WWP1: variants seen among roughly 807,000 people sequenced by gnomAD.
The protein encoded by WWP1 is NEDD4-like E3 ubiquitin-protein ligase WWP1.
In WWP1, 49 loss-of-function variants were observed where a neutral mutation model predicts 130.6. The ratio of observed to expected loss-of-function variants is 0.38; its 90% CI spans 0.30 to 0.48. The LOEUF (loss-of-function observed/expected upper bound fraction) is 0.48. WWP1 is among the 20% of genes least tolerant of loss of function. The pLI is 0.99. For synonymous variants in WWP1, 332 were observed against 367.8 expected, an observed-to-expected ratio of 0.90 and a Z score of 1.11; for missense variants, 809 against 1,100.6, an observed-to-expected ratio of 0.74 and a Z score of 3.75.
At position 86,381,536 on chromosome 8, in the gene WWP1, C is replaced by A. The variant is rs1359002936; in HGVS notation, c.241C>A (p.Gln81Lys). ...TACGCCACAGACTACATTGGAATTTCAAGTTTGGAGCCATCGCACTTTAAA... is the reference window on the plus strand; with the variant it reads ...TACGCCACAGACTACATTGGAATTTAAAGTTTGGAGCCATCGCACTTTAAA... ...NVTPQTTLEF[Q>K]VWSHRTLKAD... is the part of the protein sequence containing the mutation. The change falls in exon 5 of 25, where the codon CAA becomes AAA. Residue 81 changes from glutamine to lysine, a missense_variant. This residue lies in a region of WWP1 where 262 missense variants were observed against 346.0 expected (regional missense o/e 0.76). Coordinates refer to ENST00000517970, the MANE Select transcript of WWP1 (RefSeq NM_007013.4). 6.2e-7 allele frequency: 1 copy of A among 1,608,914 alleles called. No individual in the cohort carries two copies. The highest frequency in any genetic ancestry group is 2.2e-5 in the East Asian group (1 of 44,610).
At chr8:86,396,684 C>G (rs1200335335) in intron 5 of WWP1, among the ~76,000 whole-genome samples, 1 of 151,488 alleles carries the variant, frequency 6.6e-6, no homozygotes, top group Non-Finnish European at 1.5e-5. Context: ...GCCTCGAACT[C>G]CTGGGCTTAC....
intron 1 of WWP1, among the ~76,000 whole-genome samples, chr8:86,360,248 T>C (rs1220005033): frequency 6.6e-6 from 1 of 152,182 alleles, no homozygotes; most frequent in Non-Finnish European, 1.5e-5. Context: ...CTGGTGGTTT[T>C]TTTTGCTTGG....
At chr8:86,443,732 G>A (rs1414943422) in intron 18 of WWP1, among the ~76,000 whole-genome samples, 1 of 152,166 alleles carries the variant, frequency 6.6e-6, no homozygotes, top group Non-Finnish European at 1.5e-5. Context: ...CTCACTGATG[G>A]ATGACACATG....
intron 5 of WWP1, among the ~76,000 whole-genome samples, chr8:86,382,494 T>G (rs907723183): frequency 1.3e-5 from 2 of 152,066 alleles, no homozygotes; most frequent in African/African-American, 4.8e-5. Flanking sequence ...AGATCAGAAG[T>G]TCAAGACCAG....
At chr8:86,372,358 C>T (rs1289428404) in intron 2 of WWP1, among the ~76,000 whole-genome samples, 1 of 152,138 alleles carries the variant, frequency 6.6e-6, no homozygotes, top group Non-Finnish European at 1.5e-5. Context: ...CAGGTTTTCG[C>T]CGTGTTGGCC....
At position 86,461,756 on chromosome 8, in the gene WWP1, C is replaced by T. The variant is rs750341818; in HGVS notation, c.2597-18C>T. The T allele has an allele frequency of 1.9e-6, 3 of 1,609,384 alleles. No homozygotes were observed. Among genetic ancestry groups the T allele is most frequent in the Non-Finnish European group, 1.7e-6 (2 of 1,177,538 alleles). ...GTTTAAAGGACCAGATAAACTTTGTCTTATTTTCTTGGTGTAGGAAGTAAT... is the reference window on the plus strand; with the variant it reads ...GTTTAAAGGACCAGATAAACTTTGTTTTATTTTCTTGGTGTAGGAAGTAAT... On this transcript the variant is annotated intron_variant, in intron 23 of 24. Coordinates refer to ENST00000517970, the MANE Select transcript of WWP1 (RefSeq NM_007013.4).
chr8:86,353,832 T>G (rs1001089133), intron 1 of WWP1, among the ~76,000 whole-genome samples: 1 of 152,196 alleles, frequency 6.6e-6, no homozygotes, highest in Non-Finnish European at 1.5e-5. Flanking sequence ...TTGAGCCCTT[T>G]CTTTTGAGGA....
At chr8:86,389,403 C>T (rs1237340117) in intron 5 of WWP1, among the ~76,000 whole-genome samples, 1 of 152,192 alleles carries the variant, frequency 6.6e-6, no homozygotes, top group Non-Finnish European at 1.5e-5. Flanking sequence ...CAAAGCACAT[C>T]TTGCACCCCC....
Position 86,466,981 on chromosome 8 carries a change from C to T in WWP1, c.*88C>T. 16 of 922,292 alleles carry T rather than the reference C, an allele frequency of 1.7e-5. No individual in the cohort carries two copies. Among genetic ancestry groups the T allele is most frequent in the Non-Finnish European group, 2.6e-5 (16 of 604,424 alleles). 57.1% of individuals were successfully genotyped at this position (922,292 alleles called of 1,614,324 possible). ...AGATAGTGTATATAAGCTGTTCATT[C>T]TGTACAGTGAATTTTCCGAACCTCT... On this transcript the variant is annotated 3_prime_UTR_variant, in exon 25 of 25. Coordinates refer to ENST00000517970, the MANE Select transcript of WWP1 (RefSeq NM_007013.4).
intron 21 of WWP1, among the ~76,000 whole-genome samples, chr8:86,453,456 T>G (rs1000105093): frequency 5.3e-5 from 8 of 152,180 alleles, no homozygotes; most frequent in Non-Finnish European, 7.4e-5. Flanking sequence ...TGAGGGACCT[T>G]TGTGTGGCTT....
In WWP1 at chr8:86,372,728, A is replaced by G. The variant is rs141034628; in HGVS notation, c.-21-1302A>G. Among the ~76,000 whole-genome samples, 1,261 of 151,830 alleles carry G rather than the reference A, an allele frequency of 8.3e-3. 24 individuals carry two copies. The highest frequency in any genetic ancestry group is 0.029 in the African/African-American group (1,201 of 41,368). ...ACATCTTTTATGTGGGTTTGTCCTT[A>G]TATGCATTGGTCTGTTTTAGGGCTT... On this transcript the variant is annotated intron_variant, in intron 2 of 24. Transcript: ENST00000517970.
chr8:86,350,232 C>G (rs1352963374), intron 1 of WWP1, among the ~76,000 whole-genome samples: 3 of 152,188 alleles, frequency 2.0e-5, no homozygotes, highest in African/African-American at 7.2e-5. Flanking sequence ...TTAACCTTAT[C>G]CACTATCGCT....
At chr8:86,422,895 T>A (rs1809308575) in intron 9 of WWP1, among the ~76,000 whole-genome samples, 1 of 152,134 alleles carries the variant, frequency 6.6e-6, no homozygotes, top group Non-Finnish European at 1.5e-5. Context: ...AAAGATACTG[T>A]GCACACAGAT....
chr8:86,419,307 A>C lies in WWP1; in HGVS notation c.1062-5916A>C, dbSNP rs533905205. ...GTGGCACGCGCCTGTAGTCCCAGCT[A>C]CTCAGAAGGCTGAGGCAGAAGAATC... On this transcript the variant is annotated intron_variant, in intron 9 of 24. Coordinates refer to ENST00000517970, the MANE Select transcript of WWP1 (RefSeq NM_007013.4). Among the ~76,000 whole-genome samples, 14 of 152,290 alleles carry C rather than the reference A, an allele frequency of 9.2e-5. No individual in the cohort carries two copies. In the East Asian group the frequency reaches 2.5e-3, roughly 27 times the overall value.
intron 3 of WWP1, among the ~76,000 whole-genome samples, chr8:86,376,751 C>T (rs994197671): frequency 2.0e-5 from 3 of 152,138 alleles, no homozygotes; most frequent in African/African-American, 4.8e-5. Context: ...TCATTTTGAG[C>T]GTCAGTTGCT....
intron 2 of WWP1, among the ~76,000 whole-genome samples, chr8:86,372,216 G>T (rs1318686983): frequency 1.3e-5 from 2 of 151,492 alleles, no homozygotes; most frequent in East Asian, 3.9e-4. Flanking sequence ...TAGAGACGGG[G>T]TTTCACCGTG....
chr8:86,462,249 G>A (rs1218930557), intron 24 of WWP1, among the ~76,000 whole-genome samples: 1 of 152,156 alleles, frequency 6.6e-6, no homozygotes, highest in Non-Finnish European at 1.5e-5. Flanking sequence ...ACCTACTTTG[G>A]GTTGGGTGGT....
intron 1 of WWP1, among the ~76,000 whole-genome samples, chr8:86,355,414 AG>A (rs1390555389): frequency 3.9e-5 from 6 of 152,232 alleles, no homozygotes; most frequent in African/African-American, 1.4e-4. Context: ...AAATGCAGCA[AG>A]TATGTGTATT....
chr8:86,432,550 C>CAAA (rs72136808), intron 14 of WWP1, among the ~76,000 whole-genome samples: 2,184 of 145,284 alleles, frequency 0.015, 66 homozygotes, highest in African/African-American at 0.049. Flanking sequence ...AAAAAAAAAG[C>CAAA]AAAAAAAAAA....
Sources: gnomAD v4.1 joint callset for allele counts (sites outside exome capture counted in the v4.1 genomes callset) on GRCh38, gnomAD v4.1.1 for gene constraint, gnomAD v4.1.1 regional missense constraint, MANE v1.5 for transcripts, NCBI Gene and HGNC (gene_info 2026-07-23, HGNC 2026-07-21) for gene names.